The following CFAP20DC variants were observed in gnomAD, a reference collection of about 807,000 sequenced individuals.
CFAP20DC encodes CFAP20 domain containing, also known as protein CFAP20DC.
In CFAP20DC, 84 loss-of-function variants were observed where a neutral mutation model predicts 101.7. That is an observed-to-expected ratio of 0.83 (90% CI 0.69 to 0.99). The LOEUF (loss-of-function observed/expected upper bound fraction) is 0.99. Among genes scored for constraint, CFAP20DC ranks in the 50% least tolerant of loss-of-function variants. CFAP20DC has a pLI of 0.00. For synonymous variants in CFAP20DC, 359 were observed against 351.2 expected (o/e 1.02, Z -0.25); for missense variants, 1,007 against 970.3 (o/e 1.04, Z -0.50).
intron 4 of CFAP20DC, among the ~76,000 whole-genome samples, chr3:58,984,217 A>G (rs1250402880): frequency 6.6e-6 from 1 of 152,202 alleles, no homozygotes; most frequent in Non-Finnish European, 1.5e-5. Flanking sequence ...GAAGTGCCCA[A>G]GAGAACTTCT....
At chr3:58,862,029 G>A (rs2079290384) in intron 12 of CFAP20DC, 1 of 985,134 alleles carries the variant, frequency 1.0e-6, no homozygotes, top group Non-Finnish European at 1.2e-6. Context: ...TTCCCATGAA[G>A]CTCTACTGTT....
intron 4 of CFAP20DC, among the ~76,000 whole-genome samples, chr3:59,026,126 T>C (rs1369744020): frequency 6.6e-6 from 1 of 152,156 alleles, no homozygotes; most frequent in African/African-American, 2.4e-5. Flanking sequence ...TGTAACAAAA[T>C]ATACTGATTA....
At chr3:59,032,044 G>C (rs934548170) in intron 4 of CFAP20DC, among the ~76,000 whole-genome samples, 1 of 152,198 alleles carries the variant, frequency 6.6e-6, no homozygotes, top group African/African-American at 2.4e-5. Flanking sequence ...AGCCCAAGGA[G>C]GGCGAGCCAA....
At chr3:58,893,489 A>G (rs1029242286) in intron 6 of CFAP20DC, among the ~76,000 whole-genome samples, 5 of 152,214 alleles carry the variant, frequency 3.3e-5, no homozygotes, top group Non-Finnish European at 7.3e-5. Context: ...GATAAAGCCA[A>G]TTTGATTGCA....
At chr3:58,716,642 C>A (rs1247295332), downstream of CFAP20DC, among the ~76,000 whole-genome samples, 1 of 152,150 alleles carries the variant, frequency 6.6e-6, no homozygotes, top group Non-Finnish European at 1.5e-5. Flanking sequence ...TAAAGGCCTG[C>A]ACTGCGATTC....
intron 6 of CFAP20DC, among the ~76,000 whole-genome samples, chr3:58,888,432 G>A (rs1033031693): frequency 7.2e-5 from 11 of 152,072 alleles, no homozygotes; most frequent in African/African-American, 2.4e-4. Context: ...TAAGTTCAGG[G>A]ATACATGTGG....
At chr3:58,796,493 G>C (rs2073253551) in intron 15 of CFAP20DC, among the ~76,000 whole-genome samples, 2 of 152,168 alleles carry the variant, frequency 1.3e-5, no homozygotes, top group Admixed American at 1.3e-4. Context: ...GGAGGAAAGA[G>C]GCCCAGCTGG....
chr3:58,948,200 C>G (rs975148635), intron 4 of CFAP20DC, among the ~76,000 whole-genome samples: 5 of 152,212 alleles, frequency 3.3e-5, no homozygotes, highest in African/African-American at 9.6e-5. Context: ...CAGTATGCTT[C>G]CTGCTACTTA....
intron 14 of CFAP20DC, among the ~76,000 whole-genome samples, chr3:58,830,703 G>A (rs2076340156): frequency 6.6e-6 from 1 of 152,060 alleles, no homozygotes; most frequent in African/African-American, 2.4e-5. Flanking sequence ...TTTAAAAATT[G>A]TATAGCAAAA....
chr3:59,004,503 T>C (rs1253738974), intron 4 of CFAP20DC, among the ~76,000 whole-genome samples: 2 of 152,172 alleles, frequency 1.3e-5, no homozygotes, highest in Non-Finnish European at 2.9e-5. Flanking sequence ...CCAAGCAACC[T>C]CTGGCTTTGC....
intron 6 of CFAP20DC, among the ~76,000 whole-genome samples, chr3:58,893,900 G>A (rs1256440814): frequency 2.0e-5 from 3 of 152,064 alleles, no homozygotes; most frequent in Non-Finnish European, 4.4e-5. Flanking sequence ...AGAGTTCCAC[G>A]TGGCTGGAGA....
At chr3:58,826,878 C>T (rs938382866) in intron 14 of CFAP20DC, among the ~76,000 whole-genome samples, 10 of 151,926 alleles carry the variant, frequency 6.6e-5, no homozygotes, top group South Asian at 2.1e-4. Context: ...GAGAGGGAAG[C>T]GAATAATTCT....
intron 14 of CFAP20DC, among the ~76,000 whole-genome samples, chr3:58,821,352 C>T (rs2075628323): frequency 2.6e-5 from 4 of 152,096 alleles, no homozygotes; most frequent in South Asian, 2.1e-4. Context: ...TCAGAGTGAA[C>T]AGGCAACCTA....
intron 14 of CFAP20DC, among the ~76,000 whole-genome samples, chr3:58,820,950 A>G (rs917046102): frequency 1.3e-5 from 2 of 150,678 alleles, no homozygotes; most frequent in Non-Finnish European, 2.9e-5. Flanking sequence ...ACAGAGATAT[A>G]GATCAATGGA....
At chr3:58,814,041 A>G (rs553279096) in intron 14 of CFAP20DC, among the ~76,000 whole-genome samples, 2 of 151,922 alleles carry the variant, frequency 1.3e-5, no homozygotes, top group East Asian at 3.8e-4. Flanking sequence ...AATACTCCCA[A>G]TAACAAATTC....
At chr3:58,826,790 C>T (rs945623961) in intron 14 of CFAP20DC, among the ~76,000 whole-genome samples, 1 of 152,122 alleles carries the variant, frequency 6.6e-6, no homozygotes, top group Non-Finnish European at 1.5e-5. Context: ...AATTCACAAC[C>T]AGGCCTGGGG....
At position 58,732,684 on chromosome 3, in the gene CFAP20DC, C is replaced by T. The variant is rs1443527328; in HGVS notation, c.198-15056G>A. ...ACTCTAATGGGTTTATAACACCCAA[C>T]GTGGCACGAAAGCCGTGGCAAAAAC... is the stretch of plus-strand genomic sequence containing the variant. On this transcript the variant is annotated intron_variant, in intron 3 of 3. Transcript: ENST00000486145. The surrounding 1 kb of genome is among the most constrained non-coding windows in gnomAD (Gnocchi z 5.4). Among the ~76,000 whole-genome samples, 4 of 152,144 alleles carry T rather than the reference C, an allele frequency of 2.6e-5. No homozygotes were observed. Among genetic ancestry groups the T allele is most frequent in the African/African-American group, 7.2e-5 (3 of 41,422 alleles).
At chr3:58,930,736 T>C (rs979382813) in intron 5 of CFAP20DC, among the ~76,000 whole-genome samples, 16 of 152,230 alleles carry the variant, frequency 1.1e-4, no homozygotes, top group African/African-American at 3.4e-4. Context: ...GGTTTTCCAC[T>C]TATAAAAGTG....
intron 7 of CFAP20DC, among the ~76,000 whole-genome samples, chr3:58,881,847 CAT>C (rs2081253367): frequency 6.6e-6 from 1 of 152,100 alleles, no homozygotes; most frequent in African/African-American, 2.4e-5. Flanking sequence ...TTGGCTTTCC[CAT>C]GATTAAAAAG....
Sources: allele counts gnomAD v4.1 joint callset (sites outside exome capture counted in the v4.1 genomes callset), GRCh38; gene constraint gnomAD v4.1.1; non-coding constraint Gnocchi (gnomAD v3.1); transcripts MANE v1.5; gene names NCBI Gene and HGNC (gene_info 2026-07-23, HGNC 2026-07-21).